Variants in LRRC4C observed in about 807,000 individuals in gnomAD.
LRRC4C encodes leucine-rich repeat-containing protein 4C.
A neutral mutation model predicts 33.6 loss-of-function variants in LRRC4C; 5 were observed. The ratio of observed to expected loss-of-function variants is 0.15; its 90% CI spans 0.08 to 0.31. LRRC4C has a LOEUF of 0.31. Among genes scored for constraint, LRRC4C ranks in the 10% least tolerant of loss-of-function variants. The pLI is 1.00. For synonymous variants in LRRC4C, 329 were observed against 302.0 expected, an observed-to-expected ratio of 1.09 and a Z score of -0.93; for missense variants, 560 against 796.7, an observed-to-expected ratio of 0.70 and a Z score of 3.58.
intron 1 of LRRC4C, among the ~76,000 whole-genome samples, chr11:41,142,758 G>A (rs1032729109): frequency 6.6e-6 from 1 of 152,152 alleles, no homozygotes; most frequent in Admixed American, 6.5e-5. Context: ...GCAAAAGAGA[G>A]ACATTAAAAT....
chr11:40,709,608 C>G (rs1047721775), intron 2 of LRRC4C, among the ~76,000 whole-genome samples: 4 of 152,048 alleles, frequency 2.6e-5, no homozygotes, highest in Admixed American at 6.6e-5. Flanking sequence ...TTGTGGGAAA[C>G]TCGACTTTTC....
At chr11:41,347,987 A>G (rs1441629707) in intron 1 of LRRC4C, among the ~76,000 whole-genome samples, 1 of 152,216 alleles carries the variant, frequency 6.6e-6, no homozygotes, top group African/African-American at 2.4e-5. Flanking sequence ...TGATTTGGTC[A>G]TGGCATCTAT....
intron 2 of LRRC4C, among the ~76,000 whole-genome samples, chr11:40,784,973 C>A (rs1258893314): frequency 6.6e-6 from 1 of 152,080 alleles, no homozygotes; most frequent in African/African-American, 2.4e-5. Context: ...AGGAGAGTTA[C>A]CGTCAGCCGA....
intron 2 of LRRC4C, among the ~76,000 whole-genome samples, chr11:40,714,024 G>A (rs1171967651): frequency 3.3e-5 from 5 of 152,072 alleles, no homozygotes; most frequent in South Asian, 2.1e-4. Flanking sequence ...TTGCTTTTAC[G>A]GAAGCCAGAT....
chr11:41,274,774 T>C (rs1223039086), intron 1 of LRRC4C, among the ~76,000 whole-genome samples: 1 of 152,094 alleles, frequency 6.6e-6, no homozygotes, highest in Non-Finnish European at 1.5e-5. Context: ...TTGGGTCCAT[T>C]CCACCTTTAA....
chr11:40,377,316 A>G (rs1350837235), intron 3 of LRRC4C, among the ~76,000 whole-genome samples: 1 of 152,168 alleles, frequency 6.6e-6, no homozygotes, highest in Non-Finnish European at 1.5e-5. Flanking sequence ...GATAATGGTG[A>G]TGACAATGGC....
chr11:40,796,651 T>TTTTTA (rs1554962559), intron 2 of LRRC4C, among the ~76,000 whole-genome samples: 1 of 133,002 alleles, frequency 7.5e-6, no homozygotes, highest in African/African-American at 3.4e-5. Flanking sequence ...TTTTTTTTTT[T>TTTTTA]TTTTTTTTAT....
chr11:40,651,862 C>A (rs58213211), intron 2 of LRRC4C, among the ~76,000 whole-genome samples: 1 of 152,006 alleles, frequency 6.6e-6, no homozygotes, highest in East Asian at 1.9e-4. Context: ...CTTATTTATG[C>A]GTGTCTTTAT....
chr11:40,994,503 A>G (rs1370737638), intron 1 of LRRC4C, among the ~76,000 whole-genome samples: 1 of 152,054 alleles, frequency 6.6e-6, no homozygotes, highest in Non-Finnish European at 1.5e-5. Context: ...TCTGGCTTGG[A>G]GGTTCACAAT....
At chr11:40,876,003 T>C (rs1954869941) in intron 2 of LRRC4C, among the ~76,000 whole-genome samples, 1 of 152,134 alleles carries the variant, frequency 6.6e-6, no homozygotes, top group African/African-American at 2.4e-5. Context: ...TTGGTTGCTG[T>C]CACTGTAGAA....
intron 4 of LRRC4C, among the ~76,000 whole-genome samples, chr11:40,242,437 A>G (rs1439431460): frequency 1.3e-5 from 2 of 152,196 alleles, no homozygotes; most frequent in African/African-American, 2.4e-5. Flanking sequence ...TTTCTAGCAG[A>G]AAATCAGAAA....
intron 2 of LRRC4C, among the ~76,000 whole-genome samples, chr11:40,678,438 G>A (rs1591442997): frequency 1.3e-5 from 2 of 151,986 alleles, no homozygotes; most frequent in South Asian, 2.1e-4. Flanking sequence ...TGGCCCAACT[G>A]ATTTTAAAAT....
intron 3 of LRRC4C, among the ~76,000 whole-genome samples, chr11:40,489,520 T>TTA (rs1178497498): frequency 6.6e-6 from 1 of 152,082 alleles, no homozygotes; most frequent in African/African-American, 2.4e-5. Context: ...TTGTCATTAT[T>TTA]TATATATATG....
At chr11:41,299,371 A>G (rs1302428643) in intron 1 of LRRC4C, among the ~76,000 whole-genome samples, 1 of 152,126 alleles carries the variant, frequency 6.6e-6, no homozygotes, top group Non-Finnish European at 1.5e-5. Context: ...ATTGCATCAA[A>G]CCTGCGTAAA....
chr11:40,623,820 A>G (rs986884228), intron 3 of LRRC4C, among the ~76,000 whole-genome samples: 1 of 152,126 alleles, frequency 6.6e-6, no homozygotes, highest in Non-Finnish European at 1.5e-5. Context: ...CTGTTTTCCA[A>G]CAATAGCTTT....
chr11:40,729,088 T>C (rs1947432784), intron 2 of LRRC4C, among the ~76,000 whole-genome samples: 1 of 152,124 alleles, frequency 6.6e-6, no homozygotes, highest in African/African-American at 2.4e-5. Context: ...CATCATGCAA[T>C]ATACCTGTGT....
At chr11:41,067,818 G>A (rs187681389) in intron 1 of LRRC4C, among the ~76,000 whole-genome samples, 315 of 152,246 alleles carry the variant, frequency 2.1e-3, no homozygotes, top group Non-Finnish European at 3.6e-3. Context: ...GGGTAAATAA[G>A]GAAATTAAGG....
chr11:40,869,197 A>G (rs1197840723), intron 2 of LRRC4C, among the ~76,000 whole-genome samples: 1 of 152,186 alleles, frequency 6.6e-6, no homozygotes, highest in Non-Finnish European at 1.5e-5. Flanking sequence ...ATGTTCCAGG[A>G]AATATAAAAA....
At chr11:40,853,319 G>A (rs1284350195) in intron 2 of LRRC4C, among the ~76,000 whole-genome samples, 1 of 150,824 alleles carries the variant, frequency 6.6e-6, no homozygotes, top group Non-Finnish European at 1.5e-5. Context: ...ATACATATAT[G>A]TGTGTCTATA....
Sources: gnomAD v4.1 joint callset for allele counts (sites outside exome capture counted in the v4.1 genomes callset) on GRCh38, gnomAD v4.1.1 for gene constraint, MANE v1.5 for transcripts, NCBI Gene and HGNC (gene_info 2026-07-23, HGNC 2026-07-21) for gene names.